The following SLC44A1 variants were observed in gnomAD, a reference collection of about 807,000 sequenced individuals.
The protein encoded by SLC44A1 is choline transporter-like protein 1.
Under a neutral mutation model 79.3 loss-of-function variants are expected in SLC44A1, and 26 were observed. That is an observed-to-expected ratio of 0.33 (90% CI 0.24 to 0.46). SLC44A1 has a LOEUF of 0.46. SLC44A1 is among the 20% of genes least tolerant of loss of function. The pLI, the probability that SLC44A1 is intolerant of heterozygous loss-of-function variation, is 1.00. For missense variants in SLC44A1, 688 were observed against 798.1 expected (o/e 0.86, Z 1.66); for synonymous variants, 263 against 286.2 (o/e 0.92, Z 0.82).
chr9:105,310,787 C>T (rs1212474013), intron 3 of SLC44A1, among the ~76,000 whole-genome samples: 1 of 152,148 alleles, frequency 6.6e-6, no homozygotes, highest in Non-Finnish European at 1.5e-5. Context: ...GATAATGTCA[C>T]AAACCTGAAG....
rs539447405 is a variant in SLC44A1, at chr9:105,289,609, T to C, written c.37-9611T>C. ...GGTTCACTTAAGAGTTTTATGCCAC[T>C]GTCGTAGAACTGAACACATATTTGT... On this transcript the variant is annotated intron_variant, in intron 1 of 15. Coordinates refer to ENST00000374720, the MANE Select transcript of SLC44A1 (RefSeq NM_080546.5). Among the ~76,000 whole-genome samples, 4 of 152,356 alleles carry C rather than the reference T, an allele frequency of 2.6e-5. No homozygotes were observed. The East Asian group carries it at 7.7e-4, about 29-fold the overall frequency.
At chr9:105,294,687 ACTT>A (rs1166628603) in intron 1 of SLC44A1, 2 of 150,960 alleles carry the variant, frequency 1.3e-5, no homozygotes, top group East Asian at 3.9e-4. Flanking sequence ...GATTCTCTGA[ACTT>A]CTTGGATCTG....
At chr9:105,335,459 A>T in intron 3 of SLC44A1, 104 bp from the exon 4 acceptor site, 2 of 759,002 alleles carry the variant, frequency 2.6e-6, no homozygotes, top group Non-Finnish European at 4.1e-6. Flanking sequence ...TTTATCGTGG[A>T]GGAATGTGGA....
rs1159612588 is a variant in SLC44A1 at position 105,381,630 on chromosome 9, A to G, written c.1633-1493A>G. Among the ~76,000 whole-genome samples the G allele has an allele frequency of 2.0e-5, 3 of 151,732 alleles. No homozygotes were observed. In the East Asian group the frequency reaches 5.8e-4, roughly 29 times the overall value. ...TAACCCCAGAAAATGAGAAAGAAAA[A>G]AAATGGAAGTAATTAACCATCTATG... On this transcript the variant is annotated intron_variant, in intron 13 of 15. Transcript: ENST00000374720.
chr9:105,309,541 C>T (rs1015741284), intron 2 of SLC44A1, among the ~76,000 whole-genome samples, 183 bp from the exon 3 acceptor site: 10 of 152,110 alleles, frequency 6.6e-5, no homozygotes, highest in African/African-American at 2.2e-4. Flanking sequence ...ATAGTGTTTC[C>T]CTATGGACTT....
At chr9:105,358,796 T>A (rs1039607535) in intron 7 of SLC44A1, among the ~76,000 whole-genome samples, 4 of 152,172 alleles carry the variant, frequency 2.6e-5, no homozygotes, top group Non-Finnish European at 5.9e-5. Context: ...CATTCTTTCT[T>A]GTTTTCTCTC....
intron 4 of SLC44A1, among the ~76,000 whole-genome samples, chr9:105,343,611 G>A (rs118151683): frequency 2.6e-5 from 4 of 152,156 alleles, no homozygotes; most frequent in Non-Finnish European, 5.9e-5. Flanking sequence ...TCTAGCAACC[G>A]AATTAATTGT....
intron 1 of SLC44A1, among the ~76,000 whole-genome samples, chr9:105,295,962 G>T (rs1189298586): frequency 4.6e-5 from 7 of 152,126 alleles, no homozygotes. Context: ...ATTAACAATG[G>T]CAGCTAAAAT....
At chr9:105,362,509 TAA>T (rs1388107486) in intron 8 of SLC44A1, among the ~76,000 whole-genome samples, 1 of 151,986 alleles carries the variant, frequency 6.6e-6, no homozygotes, top group Non-Finnish European at 1.5e-5. Context: ...TTTAAATAAA[TAA>T]AGAGTCTCAT....
At position 105,299,392 on chromosome 9, in the gene SLC44A1, G is replaced by A. The variant is rs112081220; in HGVS notation, c.126+83G>A. 5.7e-5 allele frequency: 48 copies of A among 841,392 alleles called. No homozygotes were observed. The African/African-American group carries it at 7.3e-4, about 13-fold the overall frequency. 52.1% of individuals were successfully genotyped at this position (841,392 alleles called of 1,614,324 possible). Reference sequence around the variant, plus strand: ...TAGTTGTTTTAATGAGGGCAGTTGTGGAATATACCAGTCCTCATACAATTC... The same window carrying A: ...TAGTTGTTTTAATGAGGGCAGTTGTAGAATATACCAGTCCTCATACAATTC... On this transcript the variant is annotated intron_variant, in intron 2 of 15. Transcript: ENST00000374720.
chr9:105,263,764 T>G (rs897766570), intron 1 of SLC44A1, among the ~76,000 whole-genome samples: 8 of 152,118 alleles, frequency 5.3e-5, no homozygotes, highest in Non-Finnish European at 1.2e-4. Flanking sequence ...CTTGAACTCC[T>G]GACCTCAGGT....
intron 3 of SLC44A1, among the ~76,000 whole-genome samples, chr9:105,329,757 T>A (rs145869676): frequency 1.3e-5 from 2 of 152,164 alleles, no homozygotes; most frequent in African/African-American, 4.8e-5. Flanking sequence ...TCCTTAAATA[T>A]GCTCTTTCAT....
chr9:105,334,736 A>T (rs902415273), intron 3 of SLC44A1, among the ~76,000 whole-genome samples: 5 of 152,120 alleles, frequency 3.3e-5, no homozygotes, highest in African/African-American at 1.2e-4. Flanking sequence ...TTATCATCTC[A>T]TCTACTTTAT....
intron 1 of SLC44A1, among the ~76,000 whole-genome samples, chr9:105,261,260 A>G (rs41477944): frequency 0.023 from 3,444 of 152,292 alleles, 117 homozygotes; most frequent in African/African-American, 0.076. Flanking sequence ...ACAGGTAATC[A>G]GCACTGGACG....
At chr9:105,333,057 G>A (rs1826800632) in intron 3 of SLC44A1, among the ~76,000 whole-genome samples, 2 of 152,164 alleles carry the variant, frequency 1.3e-5, no homozygotes, top group Non-Finnish European at 1.5e-5. Flanking sequence ...AAGGGATAAG[G>A]TTGCTGCCCA....
Position 105,391,694 on chromosome 9 carries a change from G to C in SLC44A1, c.*2638G>C, listed in dbSNP as rs973194069. The C allele has an allele frequency of 5.7e-5, 56 of 985,120 alleles. No individual in the cohort carries two copies. The highest frequency in any genetic ancestry group is 6.4e-5 in the Non-Finnish European group (53 of 829,908). 61.0% of individuals were successfully genotyped at this position (985,120 alleles called of 1,614,324 possible). A position where few individuals can be genotyped will look rare whatever the true frequency, so the allele number is the denominator to read the frequency against. On this transcript the variant is annotated 3_prime_UTR_variant, in exon 16 of 16. Coordinates refer to ENST00000374720, the MANE Select transcript of SLC44A1 (RefSeq NM_080546.5). Reference sequence around the variant, plus strand: ...TTCATTCATTTCAAGTCATTCTTCAGCTAGCTATGGGCTGCCTTATTGCTA... The same window carrying C: ...TTCATTCATTTCAAGTCATTCTTCACCTAGCTATGGGCTGCCTTATTGCTA...
chr9:105,421,741 C>T (rs1029286675), intron 15 of SLC44A1, among the ~76,000 whole-genome samples: 12 of 152,180 alleles, frequency 7.9e-5, no homozygotes, highest in Admixed American at 5.9e-4. Flanking sequence ...GTGCCTACCA[C>T]GGCGCCCGGC....
At chr9:105,335,299 G>A (rs1426199145) in intron 3 of SLC44A1, among the ~76,000 whole-genome samples, 1 of 151,984 alleles carries the variant, frequency 6.6e-6, no homozygotes, top group Non-Finnish European at 1.5e-5. Context: ...TAAAATAGAT[G>A]ATTTCTGATT....
chr9:105,260,497 A>C (rs1829814052), intron 1 of SLC44A1, among the ~76,000 whole-genome samples: 1 of 152,206 alleles, frequency 6.6e-6, no homozygotes, highest in South Asian at 2.1e-4. Flanking sequence ...CTTAACTAAG[A>C]ATCACTCAGC....
Sources: allele counts gnomAD v4.1 joint callset (sites outside exome capture counted in the v4.1 genomes callset), GRCh38; gene constraint gnomAD v4.1.1; transcripts MANE v1.5; gene names NCBI Gene and HGNC (gene_info 2026-07-23, HGNC 2026-07-21).